Variants in ST6GALNAC5 observed in about 807,000 individuals in gnomAD.
The protein encoded by ST6GALNAC5 is alpha-N-acetylgalactosaminide alpha-2,6-sialyltransferase 5.
In ST6GALNAC5, 27 loss-of-function variants were observed where a neutral mutation model predicts 33.6. That is an observed-to-expected ratio of 0.80 (90% confidence interval 0.59 to 1.11). ST6GALNAC5 has a LOEUF of 1.11. ST6GALNAC5 is among the 50% of genes least tolerant of loss of function. The probability of loss-of-function intolerance (pLI) is 0.00; values close to 1 mark genes in which losing one functional copy is unlikely to be tolerated. For missense variants in ST6GALNAC5, 428 were observed against 454.0 expected, an observed-to-expected ratio of 0.94 and a Z score of 0.52; for synonymous variants, 194 against 171.2, an observed-to-expected ratio of 1.13 and a Z score of -1.04.
intron 2 of ST6GALNAC5, among the ~76,000 whole-genome samples, chr1:76,925,243 C>A: frequency 6.6e-6 from 1 of 152,056 alleles, no homozygotes; most frequent in East Asian, 1.9e-4. Context: ...TGCCTCCCAG[C>A]AGGCCTCACC....
rs1334862575 is a variant in ST6GALNAC5 at position 76,868,437 on chromosome 1, C to T, written c.16-60C>T. The T allele has an allele frequency of 6.5e-7, 1 of 1,544,600 alleles. No homozygotes were observed. Among genetic ancestry groups the T allele is most frequent in the Non-Finnish European group, 8.7e-7 (1 of 1,143,658 alleles). On this transcript the variant is annotated intron_variant, in intron 1 of 4. Transcript: ENST00000477717. This position sits in a 1 kb window ranked among gnomAD's most constrained non-coding sequence, Gnocchi z 4.3. ...CCACCGCACAGTTGTCCCCGCTGGGCGCGCTCCTCCGGTGTCTGCGCTCAG... is the reference window on the plus strand; with the variant it reads ...CCACCGCACAGTTGTCCCCGCTGGGTGCGCTCCTCCGGTGTCTGCGCTCAG...
At chr1:76,908,092 C>T (rs1299617832) in intron 2 of ST6GALNAC5, among the ~76,000 whole-genome samples, 2 of 152,038 alleles carry the variant, frequency 1.3e-5, no homozygotes, top group Admixed American at 1.3e-4. Context: ...TTTTCCTTAT[C>T]CCACCTATGG....
At chr1:77,012,394 A>G (rs191690766) in intron 2 of ST6GALNAC5, among the ~76,000 whole-genome samples, 13 of 152,314 alleles carry the variant, frequency 8.5e-5, no homozygotes, top group Non-Finnish European at 1.0e-4. Flanking sequence ...CTCCGGAAAT[A>G]AGGAAAAGCA....
intron 2 of ST6GALNAC5, among the ~76,000 whole-genome samples, chr1:77,000,229 C>G (rs1388785770): frequency 9.0e-6 from 1 of 111,528 alleles, no homozygotes; most frequent in African/African-American, 2.7e-5. Flanking sequence ...ATTTGCATTT[C>G]TCTGATGGCC....
intron 2 of ST6GALNAC5, among the ~76,000 whole-genome samples, chr1:77,042,592 A>G (rs1651867374): frequency 6.6e-6 from 1 of 152,178 alleles, no homozygotes; most frequent in African/African-American, 2.4e-5. Context: ...GGACCCCTGC[A>G]TTCTCTTCTA....
Position 76,868,621 on chromosome 1 carries a change from A to T in ST6GALNAC5, c.140A>T (p.Gln47Leu), listed in dbSNP as rs1641457078. The change falls in exon 2 of 5, where the codon CAG becomes CTG. Residue 47 changes from glutamine (Q) to leucine (L), a missense_variant. Gln to Leu is a moderately radical substitution (Grantham distance 113). Coordinates refer to ENST00000477717, the MANE Select transcript of ST6GALNAC5 (RefSeq NM_030965.3). The surrounding 1 kb of genome is among the most constrained non-coding windows in gnomAD (Gnocchi z 4.3). ...CAGCAGCAGCAGCAGCAGCAACAGC[A>T]GCAGCAGGCGTCGGCCACCGGCAGC... ...PQQQQQQQQQ[Q>L]QQASATGSSQ... is the part of the protein sequence containing the mutation. 6.2e-7 allele frequency: 1 copy of T among 1,611,178 alleles called. No individual in the cohort carries two copies. The highest frequency in any genetic ancestry group is 8.5e-7 in the Non-Finnish European group (1 of 1,178,998).
Position 76,868,591 on chromosome 1 carries a change from CGCAGCAGCAGCAGCAGCA to C in ST6GALNAC5, c.117_134del (p.Gln44_Gln49del). On this transcript the variant is annotated inframe_deletion, in exon 2 of 5. Transcript: ENST00000477717. The surrounding 1 kb of genome is among the most constrained non-coding windows in gnomAD (Gnocchi z 4.3). ...CTCGGCGGCCAGAAGGAGCGGCCCC[CGCAGCAGCAGCAGCAGCA>C]GCAGCAACAGCAGCAGCAGGCGTCG... 1.2e-6 allele frequency: 2 copies of C among 1,609,736 alleles called. No homozygotes were observed. Among genetic ancestry groups the C allele is most frequent in the South Asian group, 1.1e-5 (1 of 90,902 alleles).
At chr1:76,877,663 A>AT (rs1271402835) in intron 2 of ST6GALNAC5, among the ~76,000 whole-genome samples, 2 of 152,234 alleles carry the variant, frequency 1.3e-5, no homozygotes, top group Non-Finnish European at 2.9e-5. Context: ...CTCACCAATA[A>AT]GTCCAGTGTG....
chr1:77,005,479 C>T (rs549098101), intron 2 of ST6GALNAC5, among the ~76,000 whole-genome samples: 3 of 152,158 alleles, frequency 2.0e-5, no homozygotes, highest in African/African-American at 4.8e-5. Context: ...AGCTGTAGAC[C>T]GGAGCTGTTC....
At chr1:77,061,217 G>A (rs1439997240) in intron 4 of ST6GALNAC5, among the ~76,000 whole-genome samples, 1 of 152,130 alleles carries the variant, frequency 6.6e-6, no homozygotes, top group Non-Finnish European at 1.5e-5. Context: ...TGTTAATTCA[G>A]CATAGCATCC....
intron 2 of ST6GALNAC5, among the ~76,000 whole-genome samples, chr1:76,898,204 C>T (rs886231843): frequency 2.6e-5 from 4 of 152,112 alleles, no homozygotes; most frequent in Non-Finnish European, 5.9e-5. Context: ...GGGTGTTCCT[C>T]GGCCCAGTGG....
chr1:77,007,147 C>T (rs1374154780), intron 2 of ST6GALNAC5, among the ~76,000 whole-genome samples: 7 of 152,146 alleles, frequency 4.6e-5, no homozygotes, highest in South Asian at 2.1e-4. Flanking sequence ...GTGGACACAG[C>T]GAGGCAGAAA....
chr1:76,998,895 T>C (rs1650038688), intron 2 of ST6GALNAC5, among the ~76,000 whole-genome samples: 1 of 152,154 alleles, frequency 6.6e-6, no homozygotes, highest in Non-Finnish European at 1.5e-5. Context: ...ACAGCCAGCC[T>C]GTTATAGAAG....
chr1:76,990,518 G>A (rs907023620), intron 2 of ST6GALNAC5, among the ~76,000 whole-genome samples: 35 of 152,094 alleles, frequency 2.3e-4, no homozygotes, highest in Non-Finnish European at 4.4e-5. Flanking sequence ...TAGTTCAGTA[G>A]AAATGCCTCA....
intron 2 of ST6GALNAC5, among the ~76,000 whole-genome samples, chr1:76,892,368 CT>C (rs896849714): frequency 6.6e-6 from 1 of 151,982 alleles, no homozygotes; most frequent in African/African-American, 2.4e-5. Context: ...ATGTTTAAGG[CT>C]TTTTTTTCTC....
intron 2 of ST6GALNAC5, among the ~76,000 whole-genome samples, chr1:77,014,605 G>A (rs139787000): frequency 3.3e-5 from 5 of 152,244 alleles, no homozygotes; most frequent in South Asian, 2.1e-4. Flanking sequence ...ACCAATCACC[G>A]GCCCAGGTCA....
intron 2 of ST6GALNAC5, among the ~76,000 whole-genome samples, chr1:76,935,551 A>G (rs1647193116): frequency 6.6e-6 from 1 of 152,092 alleles, no homozygotes; most frequent in Non-Finnish European, 1.5e-5. Context: ...CTAAATAACT[A>G]GAAATAATGT....
chr1:77,058,863 C>G (rs1652483738), intron 4 of ST6GALNAC5, among the ~76,000 whole-genome samples: 1 of 152,096 alleles, frequency 6.6e-6, no homozygotes, highest in Non-Finnish European at 1.5e-5. Flanking sequence ...TCAGATGCTC[C>G]CTATCAAATG....
rs192141191 is a variant in ST6GALNAC5 at position 76,929,708 on chromosome 1, A to G, written c.261+60966A>G. On this transcript the variant is annotated intron_variant, in intron 2 of 4. Coordinates refer to ENST00000477717, the MANE Select transcript of ST6GALNAC5 (RefSeq NM_030965.3). Reference sequence around the variant, plus strand: ...GAGAGGTGCTGTCACTGTAAAATACATAACAGGTCTTGAAGATTTATATAT... The same window carrying G: ...GAGAGGTGCTGTCACTGTAAAATACGTAACAGGTCTTGAAGATTTATATAT... Among the ~76,000 whole-genome samples, 40 of 152,316 alleles carry G rather than the reference A, an allele frequency of 2.6e-4. No homozygotes were observed. The East Asian group carries it at 7.0e-3, about 27-fold the overall frequency.
Sources: gnomAD v4.1 joint callset for allele counts (sites outside exome capture counted in the v4.1 genomes callset) on GRCh38, gnomAD v4.1.1 for gene constraint, Gnocchi (gnomAD v3.1) non-coding constraint, MANE v1.5 for transcripts, NCBI Gene and HGNC (gene_info 2026-07-23, HGNC 2026-07-21) for gene names.